The following ERBB4 variants were observed in gnomAD, a reference collection of about 807,000 sequenced individuals.
ERBB4 encodes the protein receptor tyrosine-protein kinase erbB-4.
In ERBB4, 42 loss-of-function variants were observed where a neutral mutation model predicts 158.0. The ratio of observed to expected loss-of-function variants is 0.27; its 90% CI spans 0.21 to 0.34. ERBB4 has a LOEUF of 0.34. Among genes scored for constraint, ERBB4 ranks in the 10% least tolerant of loss-of-function variants. The pLI, the probability that ERBB4 is intolerant of heterozygous loss-of-function variation, is 1.00. For missense variants in ERBB4, 1,333 were observed against 1,624.1 expected, an observed-to-expected ratio of 0.82 and a Z score of 3.08; for synonymous variants, 583 against 558.7, an observed-to-expected ratio of 1.04 and a Z score of -0.61.
rs774730380 is a variant in ERBB4, at chr2:211,383,973, T to C, written c.3569A>G (p.Asn1190Ser). The change falls in exon 28 of 28, where the codon AAT (asparagine) becomes AGT (serine). Residue 1190 changes from asparagine to serine, a missense_variant. Transcript: ENST00000342788. ...GGCCTTGGGTGGACCATTGGATGCA[T>C]TGTGATATTCGGGATTATCCAATGC... ...LQALDNPEYH[N>S]ASNGPPKAED... is the part of the protein sequence containing the mutation. 4.3e-6 allele frequency: 7 copies of C among 1,614,092 alleles called. No individual in the cohort carries two copies. The highest frequency in any genetic ancestry group is 2.2e-5 in the South Asian group (2 of 91,082).
At chr2:212,490,168 C>T (rs929899944) in intron 1 of ERBB4, among the ~76,000 whole-genome samples, 8 of 151,762 alleles carry the variant, frequency 5.3e-5, no homozygotes, top group African/African-American at 1.9e-4. Context: ...GATGACTAAT[C>T]ATTTTCTTTG....
intron 20 of ERBB4, among the ~76,000 whole-genome samples, chr2:211,436,445 T>C (rs2125443829): frequency 6.6e-6 from 1 of 152,266 alleles, no homozygotes; most frequent in Middle Eastern, 3.4e-3. Context: ...ACTCTCTCTG[T>C]CATCACCTTC....
chr2:211,783,446 A>T (rs1316474761), intron 4 of ERBB4, among the ~76,000 whole-genome samples: 1 of 152,206 alleles, frequency 6.6e-6, no homozygotes, highest in Non-Finnish European at 1.5e-5. Flanking sequence ...GTCTTGTGCC[A>T]GTTTTCAAAG....
intron 2 of ERBB4, among the ~76,000 whole-genome samples, chr2:211,969,842 C>A (rs878957755): frequency 6.6e-6 from 1 of 151,960 alleles, no homozygotes. Context: ...AAAAAAACAG[C>A]TCCTGGATTC....
At chr2:212,240,763 T>G (rs2084072852) in intron 1 of ERBB4, among the ~76,000 whole-genome samples, 1 of 151,818 alleles carries the variant, frequency 6.6e-6, no homozygotes, top group Non-Finnish European at 1.5e-5. Flanking sequence ...TCGTTTGCCT[T>G]TCAGTAATAT....
intron 2 of ERBB4, among the ~76,000 whole-genome samples, chr2:211,964,886 C>G (rs1427715812): frequency 6.6e-6 from 1 of 152,114 alleles, no homozygotes. Flanking sequence ...TAGAACATTA[C>G]TTTTATGAAT....
At chr2:211,618,693 C>T (rs531804830) in intron 19 of ERBB4, among the ~76,000 whole-genome samples, 1 of 152,076 alleles carries the variant, frequency 6.6e-6, no homozygotes, top group South Asian at 2.1e-4. Flanking sequence ...GTGTTTAGCA[C>T]TTAGCAAATA....
intron 1 of ERBB4, among the ~76,000 whole-genome samples, chr2:212,352,649 CAGG>C (rs2089301640): frequency 6.6e-6 from 1 of 152,008 alleles, no homozygotes; most frequent in Non-Finnish European, 1.5e-5. Flanking sequence ...GGGAGGATCA[CAGG>C]AGGTCAGGAG....
At chr2:211,629,710 T>G (rs1574888260) in intron 17 of ERBB4, among the ~76,000 whole-genome samples, 3 of 151,952 alleles carry the variant, frequency 2.0e-5, no homozygotes, top group Admixed American at 6.6e-5. Flanking sequence ...TATAGACCAA[T>G]GGAACAGAAC....
chr2:212,041,649 A>G (rs945168887), intron 2 of ERBB4, among the ~76,000 whole-genome samples: 4 of 152,014 alleles, frequency 2.6e-5, no homozygotes, highest in African/African-American at 9.7e-5. Context: ...CAAAGCTTAC[A>G]TGACTAAAAA....
At chr2:211,639,799 G>GTAC (rs2070503951) in intron 16 of ERBB4, among the ~76,000 whole-genome samples, 1 of 152,016 alleles carries the variant, frequency 6.6e-6, no homozygotes, top group Admixed American at 6.6e-5. Flanking sequence ...TTGGCTCACT[G>GTAC]CAACCTCCAC....
chr2:211,775,460 T>C (rs1449696725), intron 4 of ERBB4, among the ~76,000 whole-genome samples: 2 of 152,206 alleles, frequency 1.3e-5, no homozygotes, highest in Non-Finnish European at 2.9e-5. Context: ...TTTGTCTAAG[T>C]AAATGGTTTG....
intron 1 of ERBB4, among the ~76,000 whole-genome samples, chr2:212,233,382 T>C (rs985453203): frequency 4.6e-5 from 7 of 152,134 alleles, no homozygotes; most frequent in South Asian, 2.1e-4. Context: ...AGCTTTCCTA[T>C]AACACTTATA....
At chr2:212,300,168 T>G (rs1453783303) in intron 1 of ERBB4, among the ~76,000 whole-genome samples, 1 of 151,610 alleles carries the variant, frequency 6.6e-6, no homozygotes, top group Non-Finnish European at 1.5e-5. Context: ...TTTGTGGTGT[T>G]TGCTGGTTCA....
At chr2:211,471,128 C>A (rs1408776833) in intron 20 of ERBB4, among the ~76,000 whole-genome samples, 2 of 151,980 alleles carry the variant, frequency 1.3e-5, no homozygotes, top group Non-Finnish European at 2.9e-5. Context: ...GAGGATAAGA[C>A]TACCATATGA....
intron 1 of ERBB4, among the ~76,000 whole-genome samples, chr2:212,274,321 C>G (rs1187436075): frequency 6.6e-6 from 1 of 151,762 alleles, no homozygotes; most frequent in African/African-American, 2.4e-5. Context: ...TCATATGGGT[C>G]CCATGGTGTT....
chr2:211,581,947 T>C (rs1183019518), intron 19 of ERBB4, among the ~76,000 whole-genome samples: 2 of 151,960 alleles, frequency 1.3e-5, no homozygotes, highest in African/African-American at 4.8e-5. Flanking sequence ...GAGGCGGAGG[T>C]TGCAGTGAGC....
intron 27 of ERBB4, among the ~76,000 whole-genome samples, chr2:211,385,983 G>A (rs2062676446): frequency 6.6e-6 from 1 of 152,076 alleles, no homozygotes; most frequent in Admixed American, 6.6e-5. Context: ...TATTTTAAAA[G>A]GTTATTTACA....
chr2:211,627,583 TA>T (rs1424903558), intron 17 of ERBB4, among the ~76,000 whole-genome samples: 1 of 152,202 alleles, frequency 6.6e-6, no homozygotes, highest in Non-Finnish European at 1.5e-5. Flanking sequence ...TTTAATTCAT[TA>T]TCGGTATGCA....
Sources: allele counts gnomAD v4.1 joint callset (sites outside exome capture counted in the v4.1 genomes callset), GRCh38; gene constraint gnomAD v4.1.1; transcripts MANE v1.5; gene names NCBI Gene and HGNC (gene_info 2026-07-23, HGNC 2026-07-21).